KIF26B: variants seen among roughly 807,000 people sequenced by gnomAD.
The protein encoded by KIF26B is kinesin-like protein KIF26B.
KIF26B carries 63 observed loss-of-function variants against 151.2 expected under a neutral mutation model. The observed-to-expected ratio is 0.42, with a 90% CI of 0.34 to 0.51. The LOEUF is 0.51. KIF26B is among the 20% of genes least tolerant of loss of function. The probability of loss-of-function intolerance (pLI) is 0.07; values close to 1 mark genes in which losing one functional copy is unlikely to be tolerated. For missense variants in KIF26B, 2,813 were observed against 2,913.6 expected, an observed-to-expected ratio of 0.97 and a Z score of 0.79; for synonymous variants, 1,357 against 1,262.1, an observed-to-expected ratio of 1.08 and a Z score of -1.59.
chr1:245,647,935 A>G (rs965943755), intron 10 of KIF26B, among the ~76,000 whole-genome samples: 2 of 152,228 alleles, frequency 1.3e-5, no homozygotes, highest in African/African-American at 4.8e-5. Flanking sequence ...CTATGGGAGA[A>G]TATTCTGAGT....
chr1:245,179,359 C>G (rs1339009145), intron 2 of KIF26B, among the ~76,000 whole-genome samples: 4 of 152,202 alleles, frequency 2.6e-5, no homozygotes. Context: ...CGCAGTGGCT[C>G]ATGCCTGTAA....
At position 245,646,223 on chromosome 1, in the gene KIF26B, C is replaced by G. The variant is rs575403680; in HGVS notation, c.2201C>G (p.Ser734Cys). 6.2e-7 allele frequency: 1 copy of G among 1,614,000 alleles called. No individual in the cohort carries two copies. Among genetic ancestry groups the G allele is most frequent in the South Asian group, 1.1e-5 (1 of 91,066 alleles). ...GGCTCAGGGCTGTGTCTCTCGCTGT[C>G]TGCTCTGGGCAATGTCATCCTGGCT... ...EGGSGLCLSL[S>C]ALGNVILALV... Residue 734 changes from serine to cysteine, a missense_variant, in exon 10 of 15, where the codon TCT becomes TGT. Coordinates refer to ENST00000407071, the MANE Select transcript of KIF26B (RefSeq NM_018012.4).
chr1:245,693,899 A>C (rs1351625526), intron 12 of KIF26B, among the ~76,000 whole-genome samples: 1 of 152,238 alleles, frequency 6.6e-6, no homozygotes, highest in Non-Finnish European at 1.5e-5. Flanking sequence ...TAAGCGAACC[A>C]ACCTAGAGCC....
At chr1:245,201,624 C>G (rs572418745) in intron 2 of KIF26B, among the ~76,000 whole-genome samples, 2 of 152,330 alleles carry the variant, frequency 1.3e-5, no homozygotes, top group South Asian at 4.1e-4. Context: ...TAGATCTCTG[C>G]TTTCACATAA....
chr1:245,285,870 G>A (rs10754450), intron 2 of KIF26B, among the ~76,000 whole-genome samples: 89,511 of 150,652 alleles, frequency 0.59, 26,917 homozygotes, highest in East Asian at 0.7. Flanking sequence ...GTGGTGGTGC[G>A]TAGTTGTAAT....
At chr1:245,557,601 G>A (rs769544681) in intron 5 of KIF26B, among the ~76,000 whole-genome samples, 21 of 152,198 alleles carry the variant, frequency 1.4e-4, no homozygotes, top group Non-Finnish European at 2.5e-4. Context: ...GGAGCTCAGC[G>A]CTTGGTGGGA....
rs999250680 is a variant in KIF26B, at chr1:245,318,908, C to T, written c.466-47926C>T. 6.6e-6 allele frequency among the ~76,000 whole-genome samples: 1 copy of T among 152,118 alleles called. No homozygotes were observed. On this transcript the variant is annotated intron_variant, in intron 2 of 14. Coordinates refer to ENST00000407071, the MANE Select transcript of KIF26B (RefSeq NM_018012.4). This position sits in a 1 kb window ranked among gnomAD's most constrained non-coding sequence, Gnocchi z 4.0. ...AGGAAAAAAAAACAAAAACCAAAAT[C>T]TACTGCATTTTACTCCTATTTAGGA...
chr1:245,189,630 GC>G (rs1466297688), intron 2 of KIF26B, among the ~76,000 whole-genome samples: 1 of 152,158 alleles, frequency 6.6e-6, no homozygotes, highest in African/African-American at 2.4e-5. Context: ...TTAGAGGTAA[GC>G]CCCCTACCAC....
At chr1:245,342,237 G>T (rs952438091) in intron 2 of KIF26B, among the ~76,000 whole-genome samples, 1 of 152,164 alleles carries the variant, frequency 6.6e-6, no homozygotes, top group Non-Finnish European at 1.5e-5. Context: ...CAAGTAAATG[G>T]CTTCTTGCCT....
At chr1:245,295,546 T>G (rs2102975237) in intron 2 of KIF26B, among the ~76,000 whole-genome samples, 1 of 152,336 alleles carries the variant, frequency 6.6e-6, no homozygotes, top group African/African-American at 2.4e-5. Flanking sequence ...CTCATTTGAT[T>G]TCACATTCAG....
At chr1:245,588,056 C>T (rs983355605) in intron 5 of KIF26B, among the ~76,000 whole-genome samples, 2 of 152,312 alleles carry the variant, frequency 1.3e-5, no homozygotes, top group East Asian at 3.9e-4. Flanking sequence ...CCCTCGGCTA[C>T]AGAGGAAACG....
intron 4 of KIF26B, among the ~76,000 whole-genome samples, chr1:245,443,690 C>A (rs1375860412): frequency 1.1e-5 from 1 of 94,004 alleles, no homozygotes; most frequent in Non-Finnish European, 2.3e-5. Context: ...TCACTGTTCA[C>A]CCTGCGGTCA....
intron 10 of KIF26B, among the ~76,000 whole-genome samples, chr1:245,653,751 G>A (rs2044044796): frequency 6.6e-6 from 1 of 152,138 alleles, no homozygotes. Context: ...GCTTGCATAT[G>A]TGTAGTTGAT....
Position 245,684,335 on chromosome 1 carries a change from G to A in KIF26B, c.2361G>A (p.Glu787=), listed in dbSNP as rs1335984662. ...HISAAVGSYA[E]TLSTIQIASR... ...CGGCCGCGGTCGGGAGCTACGCGGAGACCCTGTCCACCATCCAGATTGCAT... is the reference window on the plus strand; with the variant it reads ...CGGCCGCGGTCGGGAGCTACGCGGAAACCCTGTCCACCATCCAGATTGCAT... Residue 787 remains glutamate (E), a synonymous_variant, in exon 11 of 15, where the codon GAG becomes GAA. Transcript: ENST00000407071. 1.2e-6 allele frequency: 2 copies of A among 1,613,750 alleles called. No homozygotes were observed. The highest frequency in any genetic ancestry group is 1.7e-6 in the Non-Finnish European group (2 of 1,179,874).
At chr1:245,637,254 C>T (rs1261584115) in intron 9 of KIF26B, among the ~76,000 whole-genome samples, 1 of 152,000 alleles carries the variant, frequency 6.6e-6, no homozygotes, top group African/African-American at 2.4e-5. Flanking sequence ...TTGCACTTTC[C>T]TGATGATTAG....
chr1:245,267,619 C>T (rs961425974), intron 2 of KIF26B, among the ~76,000 whole-genome samples: 5 of 141,696 alleles, frequency 3.5e-5, no homozygotes, highest in African/African-American at 1.0e-4. Flanking sequence ...ATACTACTGG[C>T]GACAGCTAAG....
intron 2 of KIF26B, among the ~76,000 whole-genome samples, chr1:245,165,287 A>G (rs933359497): frequency 1.3e-5 from 2 of 152,194 alleles, no homozygotes; most frequent in African/African-American, 2.4e-5. Flanking sequence ...ACGGGGCCAG[A>G]GGGAGAAAAG....
In KIF26B at chr1:245,688,254, C is replaced by A; in HGVS notation, c.5271C>A (p.Ser1757Arg). ...GPSASTTKTL[S>R]FSTKSLPQAV... Reference sequence around the variant, plus strand: ...CCGCCTCCACCACCAAAACCCTCAGCTTCTCCACCAAGTCCCTGCCGCAGG... The same window carrying A: ...CCGCCTCCACCACCAAAACCCTCAGATTCTCCACCAAGTCCCTGCCGCAGG... The change falls in exon 12 of 15, where the codon AGC (serine) becomes AGA (arginine). Residue 1757 changes from serine to arginine, a missense_variant. This residue lies in a region of KIF26B where 2,060 missense variants were observed against 2,088.6 expected (regional missense o/e 0.99). Transcript: ENST00000407071. The A allele has an allele frequency of 6.3e-7, 1 of 1,594,098 alleles. No individual in the cohort carries two copies. The highest frequency in any genetic ancestry group is 1.7e-5 in the Admixed American group (1 of 59,548).
chr1:245,681,116 A>G (rs1261572683), intron 10 of KIF26B, among the ~76,000 whole-genome samples: 5 of 151,998 alleles, frequency 3.3e-5, no homozygotes, highest in Non-Finnish European at 5.9e-5. Flanking sequence ...AATCAAGAAT[A>G]CACACACCCA....
Sources: gnomAD v4.1 joint callset for allele counts (sites outside exome capture counted in the v4.1 genomes callset) on GRCh38, gnomAD v4.1.1 for gene constraint, gnomAD v4.1.1 regional missense constraint, Gnocchi (gnomAD v3.1) non-coding constraint, MANE v1.5 for transcripts, NCBI Gene and HGNC (gene_info 2026-07-23, HGNC 2026-07-21) for gene names.